Variants in DGKB observed in about 807,000 individuals in gnomAD.
DGKB encodes the protein diacylglycerol kinase beta, also known as 90 kDa diacylglycerol kinase.
DGKB carries 67 observed loss-of-function variants against 114.3 expected under a neutral mutation model. The ratio of observed to expected loss-of-function variants is 0.59; its 90% CI spans 0.48 to 0.72. DGKB has a LOEUF of 0.72. Ranked by LOEUF, DGKB falls within the 30% of genes least tolerant of loss-of-function variation. DGKB has a pLI of 0.00. For missense variants in DGKB, 907 were observed against 975.2 expected (o/e 0.93, Z 0.93); for synonymous variants, 398 against 323.1 (o/e 1.23, Z -2.49).
intron 25 of DGKB, among the ~76,000 whole-genome samples, chr7:14,170,335 G>GT (rs973234443): frequency 1.3e-5 from 2 of 152,028 alleles, no homozygotes; most frequent in Non-Finnish European, 2.9e-5. Context: ...CTGGCTTCAG[G>GT]TTTTTTCTTA....
intron 6 of DGKB, among the ~76,000 whole-genome samples, chr7:14,715,822 A>G (rs1029742522): frequency 7.2e-5 from 11 of 152,166 alleles, no homozygotes; most frequent in East Asian, 3.9e-4. Context: ...TGTTATATAC[A>G]TTTCTCAACT....
intron 20 of DGKB, among the ~76,000 whole-genome samples, chr7:14,567,791 G>C (rs990503667): frequency 6.6e-6 from 1 of 150,906 alleles, no homozygotes; most frequent in Non-Finnish European, 1.5e-5. Context: ...ATTTTTAGTA[G>C]AGGTGCGGTT....
intron 23 of DGKB, among the ~76,000 whole-genome samples, chr7:14,196,221 T>C (rs1218332177): frequency 2.0e-5 from 3 of 152,122 alleles, no homozygotes; most frequent in South Asian, 2.1e-4. Flanking sequence ...GGGACTGTTA[T>C]TGTCGAAAGC....
chr7:14,311,462 C>T (rs952159448), intron 23 of DGKB, among the ~76,000 whole-genome samples: 2 of 152,090 alleles, frequency 1.3e-5, no homozygotes, highest in Non-Finnish European at 2.9e-5. Flanking sequence ...CACTCTGTCT[C>T]CCAGGTTGGA....
chr7:14,609,463 C>T (rs1218760367), intron 16 of DGKB, among the ~76,000 whole-genome samples: 5 of 152,004 alleles, frequency 3.3e-5, no homozygotes, highest in East Asian at 1.9e-4. Flanking sequence ...AAATACCCCA[C>T]GTGACAATGG....
intron 22 of DGKB, 50 bp from the exon 23 acceptor site, chr7:14,338,760 C>A: frequency 8.5e-7 from 1 of 1,182,696 alleles, no homozygotes. Context: ...ATCTTTATTT[C>A]CCTGATTTCT....
At chr7:14,419,443 C>A (rs186840646) in intron 21 of DGKB, among the ~76,000 whole-genome samples, 1 of 151,868 alleles carries the variant, frequency 6.6e-6, no homozygotes, top group East Asian at 1.9e-4. Flanking sequence ...AAACTCAGAT[C>A]ATTACTCCTT....
At chr7:14,230,987 C>T (rs1050501257) in intron 23 of DGKB, among the ~76,000 whole-genome samples, 15 of 152,178 alleles carry the variant, frequency 9.9e-5, no homozygotes, top group African/African-American at 3.1e-4. Context: ...ATGCTGTGAT[C>T]TTCCAGGAGG....
At chr7:14,612,959 C>T (rs1310552637) in intron 16 of DGKB, among the ~76,000 whole-genome samples, 1 of 151,904 alleles carries the variant, frequency 6.6e-6, no homozygotes, top group African/African-American at 2.4e-5. Context: ...ATATATTTTG[C>T]CTAGATGTTG....
intron 2 of DGKB, among the ~76,000 whole-genome samples, chr7:14,776,791 A>G (rs1444932308): frequency 6.6e-6 from 1 of 152,236 alleles, no homozygotes; most frequent in Non-Finnish European, 1.5e-5. Context: ...TATACAGCAC[A>G]GAGTCCCTAC....
chr7:14,556,966 T>C (rs1374749514), intron 20 of DGKB, among the ~76,000 whole-genome samples: 1 of 152,208 alleles, frequency 6.6e-6, no homozygotes, highest in Non-Finnish European at 1.5e-5. Flanking sequence ...CTTACTACCT[T>C]TCTACATTTT....
chr7:14,438,263 T>C (rs112118496), intron 21 of DGKB, among the ~76,000 whole-genome samples: 2,438 of 152,224 alleles, frequency 0.016, 31 homozygotes, highest in Non-Finnish European at 0.021. Flanking sequence ...TCTATATTGT[T>C]ACTGCTTCTT....
At chr7:14,918,064 A>G (rs888424045) in intron 1 of DGKB, among the ~76,000 whole-genome samples, 1 of 152,162 alleles carries the variant, frequency 6.6e-6, no homozygotes, top group African/African-American at 2.4e-5. Context: ...CCCATTCTTC[A>G]TGAAAAATCT....
intron 21 of DGKB, among the ~76,000 whole-genome samples, chr7:14,373,074 T>C (rs1332725987): frequency 6.6e-6 from 1 of 152,182 alleles, no homozygotes; most frequent in Non-Finnish European, 1.5e-5. Context: ...CCACATGAGA[T>C]TCACTGGAAT....
chr7:14,441,618 A>G (rs897429004), intron 21 of DGKB, among the ~76,000 whole-genome samples: 4 of 152,118 alleles, frequency 2.6e-5, no homozygotes, highest in Non-Finnish European at 5.9e-5. Context: ...TATTACATTT[A>G]GATCTTGAAT....
chr7:14,857,707 T>C (rs1850391123), intron 1 of DGKB, among the ~76,000 whole-genome samples: 1 of 152,140 alleles, frequency 6.6e-6, no homozygotes, highest in Non-Finnish European at 1.5e-5. Context: ...TCTATTGGGA[T>C]GCTTTCCTTT....
chr7:14,258,753 GATTTA>G (rs1372267749), intron 23 of DGKB, among the ~76,000 whole-genome samples: 1 of 152,088 alleles, frequency 6.6e-6, no homozygotes, highest in Non-Finnish European at 1.5e-5. Flanking sequence ...TTTCACAGTT[GATTTA>G]ATTTGTCTAT....
At chr7:14,331,257 G>C (rs543982576) in intron 23 of DGKB, among the ~76,000 whole-genome samples, 1 of 151,838 alleles carries the variant, frequency 6.6e-6, no homozygotes, top group African/African-American at 2.4e-5. Flanking sequence ...TTTGTGAAAT[G>C]CAACATCTCA....
intron 13 of DGKB, among the ~76,000 whole-genome samples, chr7:14,644,609 G>A (rs568738619): frequency 3.9e-5 from 6 of 152,040 alleles, no homozygotes; most frequent in African/African-American, 1.4e-4. Context: ...AATAATTTCC[G>A]AGCTTAAAGA....
Sources: gnomAD v4.1 joint callset for allele counts (sites outside exome capture counted in the v4.1 genomes callset) on GRCh38, gnomAD v4.1.1 for gene constraint, MANE v1.5 for transcripts, NCBI Gene and HGNC (gene_info 2026-07-23, HGNC 2026-07-21) for gene names.